CD1A: variants seen among roughly 807,000 people sequenced by gnomAD.
CD1A encodes CD1a molecule, also known as T-cell surface glycoprotein CD1a.
In CD1A, 50 loss-of-function variants were observed where a neutral mutation model predicts 38.3. The observed-to-expected ratio is 1.30, with a 90% CI of 1.04 to 1.65. The LOEUF is 1.65. CD1A is among the 40% of genes most tolerant of loss of function. CD1A has a pLI of 0.00. For missense variants in CD1A, 459 were observed against 406.1 expected (o/e 1.13, Z -1.12); for synonymous variants, 160 against 150.8 (o/e 1.06, Z -0.45).
upstream of CD1A, chr1:158,254,030 GGTTTTTTTTTTTTTTTTTTTTTTTTTTT>G (rs1650154244): frequency 4.4e-5 from 2 of 45,796 alleles, no homozygotes; most frequent in African/African-American, 1.7e-4. Context: ...GTGTTCCTGT[GGTTTTTTTTTTTTTTTTTTTTTTTTTTT>G]TTTTTTTTTT....
intron 1 of CD1A, 92 bp downstream of exon 1, chr1:158,254,819 G>A (rs1571117807): frequency 1.1e-6 from 1 of 877,332 alleles, no homozygotes; most frequent in African/African-American, 1.7e-5. Flanking sequence ...GTGTGTGTGT[G>A]TGTGTGTGTG....
chr1:158,254,031 GTTTTTTTTTTTTTTTTTTTTTTTTTTT>G (rs760814976), upstream of CD1A: 12 of 53,698 alleles, frequency 2.2e-4, no homozygotes, highest in East Asian at 1.9e-3. Flanking sequence ...TGTTCCTGTG[GTTTTTTTTTTTTTTTTTTTTTTTTTTT>G]TTTTTTTTTT....
rs1650173379 is a variant in CD1A, at chr1:158,254,489, G to A, written c.-181G>A. The A allele has an allele frequency of 7.0e-7, 1 of 1,434,364 alleles. No homozygotes were observed. Among genetic ancestry groups the A allele is most frequent in the South Asian group, 1.4e-5 (1 of 69,422 alleles). 88.9% of individuals were successfully genotyped at this position (1,434,364 alleles called of 1,614,324 possible). On this transcript the variant is annotated 5_prime_UTR_variant, in exon 1 of 6. It removes an upstream start codon present in the reference 5' UTR. Coordinates refer to ENST00000289429, the MANE Select transcript of CD1A (RefSeq NM_001763.3). ...AGGAGAGTCAGAACCAGAGGGAAAT[G>A]AGAGACTGAGTAGGCATCTCAGGGT...
At chr1:158,254,950 G>A (rs1032061723) in intron 1 of CD1A, 134 bp from the exon 2 acceptor site, 2 of 971,466 alleles carry the variant, frequency 2.1e-6, no homozygotes, top group African/African-American at 3.2e-5. Flanking sequence ...GGACTGTGTG[G>A]CAAGTGAATG....
At position 158,256,814 on chromosome 1, in the gene CD1A, C is replaced by T. The variant is rs770018498; in HGVS notation, c.633C>T (p.Gly211=). ...QVKPEAWLSH[G]PSPGPGHLQL... ...AGCCCGAGGCCTGGCTGTCCCATGG[C>T]CCCAGTCCTGGCCCTGGCCATCTGC... is the stretch of plus-strand genomic sequence containing the variant. The change falls in exon 4 of 6, where the codon GGC becomes GGT. Residue 211 remains glycine (G), a synonymous_variant. Coordinates refer to ENST00000289429, the MANE Select transcript of CD1A (RefSeq NM_001763.3). The T allele has an allele frequency of 6.2e-7, 1 of 1,614,214 alleles. No individual in the cohort carries two copies. The highest frequency in any genetic ancestry group is 8.5e-7 in the Non-Finnish European group (1 of 1,180,042).
Position 158,257,691 on chromosome 1 carries a change from G to T in CD1A, c.*1G>T. The stretch of plus-strand genomic sequence containing the variant: ...TCTGTTCTCATCCAGTTTCTGTTAA[G>T]ACACACCATGAGCCTCCTCGTCACC... On this transcript the variant is annotated 3_prime_UTR_variant, in exon 6 of 6. Coordinates refer to ENST00000289429, the MANE Select transcript of CD1A (RefSeq NM_001763.3). The T allele has an allele frequency of 6.2e-7, 1 of 1,613,880 alleles. No individual in the cohort carries two copies. The highest frequency in any genetic ancestry group is 8.5e-7 in the Non-Finnish European group (1 of 1,179,878).
upstream of CD1A, among the ~76,000 whole-genome samples, chr1:158,252,122 C>G (rs1650106328): frequency 6.8e-6 from 1 of 147,944 alleles, no homozygotes. Context: ...AGCCACCGCA[C>G]CCGGCCACGG....
upstream of CD1A, among the ~76,000 whole-genome samples, chr1:158,252,176 T>C (rs1357306359): frequency 6.6e-6 from 1 of 151,802 alleles, no homozygotes. Flanking sequence ...TGGGTCTGGT[T>C]GGGACTTACT....
rs140466685 is a variant in CD1A at position 158,255,121 on chromosome 1, C to T, written c.96C>T (p.Ile32=). The change falls in exon 2 of 6, where the codon ATC becomes ATT. Residue 32 remains isoleucine, a synonymous_variant. Transcript: ENST00000289429. The part of the protein sequence containing the change: ...KEPLSFHVTW[I]ASFYNHSWKQ... ...CTCTCTCCTTCCATGTCACCTGGAT[C>T]GCATCCTTTTACAACCATTCCTGGA... 8.7e-6 allele frequency: 14 copies of T among 1,613,886 alleles called. No homozygotes were observed. The highest frequency in any genetic ancestry group is 3.3e-5 in the South Asian group (3 of 91,076).
chr1:158,254,755 G>T (rs1650184828), intron 1 of CD1A, 28 bp downstream of exon 1: 1 of 1,497,518 alleles, frequency 6.7e-7, no homozygotes, highest in Non-Finnish European at 9.3e-7. Flanking sequence ...TGCCCAGTTG[G>T]GTGGTGGGTG....
chr1:158,254,415 A>T, upstream of CD1A: 1 of 1,326,116 alleles, frequency 7.5e-7, no homozygotes, highest in Non-Finnish European at 9.7e-7. Context: ...GAATTAGGGG[A>T]AGGTGAATAA....
Position 158,256,278 on chromosome 1 carries a change from G to T in CD1A, c.600G>T (p.Arg200=), listed in dbSNP as rs1161673372. The change falls in exon 3 of 6, where the codon CGG becomes CGT. Residue 200 remains arginine (R), a synonymous_variant. Transcript: ENST00000289429. ...LLDAGKAHLQ[R]QVKPEAWLSH... ...ATGCAGGAAAGGCACATCTCCAGCG[G>T]CAAGGTCAGTCCTGCACTCTCCCTC... The T allele has an allele frequency of 1.2e-6, 2 of 1,613,016 alleles. No individual in the cohort carries two copies. The highest frequency in any genetic ancestry group is 8.5e-7 in the Non-Finnish European group (1 of 1,179,804).
Position 158,255,294 on chromosome 1 carries a change from G to C in CD1A, c.269G>C (p.Arg90Pro). 6.2e-7 allele frequency: 1 copy of C among 1,614,066 alleles called. No homozygotes were observed. The highest frequency in any genetic ancestry group is 8.5e-7 in the Non-Finnish European group (1 of 1,179,984). ...WKELETLFRIRTIRSFEGIRR... is the reference protein window; with the variant it reads ...WKELETLFRIPTIRSFEGIRR... ...GAACTGGAAACATTATTCCGTATAC[G>C]CACCATTCGGTCATTTGAGGGAATT... The change falls in exon 2 of 6, where the codon CGC (arginine) becomes CCC (proline). Residue 90 changes from arginine to proline, a missense_variant. Arg to Pro is a moderately radical substitution (Grantham distance 103). Transcript: ENST00000289429.
upstream of CD1A, among the ~76,000 whole-genome samples, chr1:158,250,619 C>T (rs890556516): frequency 2.0e-5 from 3 of 152,220 alleles, no homozygotes; most frequent in Non-Finnish European, 4.4e-5. Context: ...CCACCTTGGT[C>T]TCAGTCATGC....
the CD1A span, among the ~76,000 whole-genome samples, chr1:158,248,580 C>G: frequency 0.071 from 10,805 of 152,162 alleles, 761 homozygotes; most frequent in East Asian, 0.38. Flanking sequence ...GTTATTCACA[C>G]TAGTTTGCTT....
At chr1:158,248,611 A>T in the CD1A span, among the ~76,000 whole-genome samples, 1 of 152,180 alleles carries the variant, frequency 6.6e-6, no homozygotes, top group African/African-American at 2.4e-5. Flanking sequence ...TCCTGTGTCC[A>T]GGGAGTACAA....
chr1:158,255,397 G>T (rs1461856115), intron 2 of CD1A, 47 bp downstream of exon 2: 11 of 1,583,084 alleles, frequency 6.9e-6, no homozygotes, highest in Middle Eastern at 1.7e-4. Flanking sequence ...GGAGAGAGGG[G>T]TTGTCTCAAT....
intron 4 of CD1A, 21 bp downstream of exon 4, chr1:158,257,085 A>G (rs746099693): frequency 8.8e-6 from 14 of 1,585,584 alleles, no homozygotes; most frequent in Non-Finnish European, 1.2e-5. Context: ...GCTAAGGCCC[A>G]GGCTGGAAAT....
In CD1A at chr1:158,255,984, CCT is replaced by C; in HGVS notation, c.326-17_326-16del. 1 of 1,595,826 alleles carries C rather than the reference CCT, an allele frequency of 6.3e-7. No individual in the cohort carries two copies. Among genetic ancestry groups the C allele is most frequent in the East Asian group, 2.2e-5 (1 of 44,592 alleles). On this transcript the variant is annotated intron_variant, in intron 2 of 5. Coordinates refer to ENST00000289429, the MANE Select transcript of CD1A (RefSeq NM_001763.3). The stretch of plus-strand genomic sequence containing the variant: ...ATTTTATATTTTTTTCTCCCTCTTT[CCT>C]CTATTTCATAACCCCAGATCCTTTT...
Sources: allele counts gnomAD v4.1 joint callset (sites outside exome capture counted in the v4.1 genomes callset), GRCh38; gene constraint gnomAD v4.1.1; transcripts MANE v1.5; gene names NCBI Gene and HGNC (gene_info 2026-07-23, HGNC 2026-07-21).